The following ROR1 variants were observed in gnomAD, a reference collection of about 807,000 sequenced individuals.
ROR1 encodes inactive tyrosine-protein kinase transmembrane receptor ROR1.
Under a neutral mutation model 78.8 loss-of-function variants are expected in ROR1, and 19 were observed. That is an observed-to-expected ratio of 0.24 (90% CI 0.17 to 0.35). ROR1 has a LOEUF of 0.35. ROR1 is among the 10% of genes least tolerant of loss of function. The probability of loss-of-function intolerance (pLI) is 1.00; values close to 1 mark genes in which losing one functional copy is unlikely to be tolerated. For missense variants in ROR1, 917 were observed against 1,177.8 expected (o/e 0.78, Z 3.24); for synonymous variants, 386 against 433.6 (o/e 0.89, Z 1.36).
At chr1:63,972,043 A>G (rs1646123547) in intron 1 of ROR1, among the ~76,000 whole-genome samples, 1 of 152,120 alleles carries the variant, frequency 6.6e-6, no homozygotes, top group Non-Finnish European at 1.5e-5. Flanking sequence ...ACCTAATCCT[A>G]AAGAGGCCCA....
At position 64,004,714 on chromosome 1, in the gene ROR1, A is replaced by C. The variant is rs1011116127; in HGVS notation, c.92-4591A>C. On this transcript the variant is annotated intron_variant, in intron 1 of 8. Coordinates refer to ENST00000371079, the MANE Select transcript of ROR1 (RefSeq NM_005012.4). ...CTGCCAACTGCTGAGATGAACCAGT[A>C]ATCCTTTCGGAGAGCACAGGCTTTT... 3.3e-5 allele frequency among the ~76,000 whole-genome samples: 5 copies of C among 152,306 alleles called. 1 individual carries two copies. The South Asian group carries it at 1.0e-3, about 32-fold the overall frequency.
At chr1:63,810,186 C>T (rs910344187) in intron 1 of ROR1, among the ~76,000 whole-genome samples, 1 of 152,162 alleles carries the variant, frequency 6.6e-6, no homozygotes, top group Non-Finnish European at 1.5e-5. Flanking sequence ...GGGAAATTAT[C>T]GGCAAATGAA....
At chr1:63,995,602 A>G in intron 1 of ROR1, among the ~76,000 whole-genome samples, 1 of 152,196 alleles carries the variant, frequency 6.6e-6, no homozygotes, top group East Asian at 1.9e-4. Flanking sequence ...TGCAATCAGA[A>G]AGACTGGATT....
At chr1:64,134,353 C>T (rs761937929) in intron 4 of ROR1, among the ~76,000 whole-genome samples, 8 of 152,084 alleles carry the variant, frequency 5.3e-5, no homozygotes, top group African/African-American at 1.2e-4. Flanking sequence ...AGTATTGAAA[C>T]GCAGAACATA....
rs150826237 is a variant in ROR1, at chr1:63,891,553, G to A, written c.91+117045G>A. Among the ~76,000 whole-genome samples the A allele has an allele frequency of 1.1e-3, 174 of 152,220 alleles. 1 individual carries two copies. The highest frequency in any genetic ancestry group is 6.8e-3 in the Middle Eastern group (2 of 294). ...TAGGCTAAGGGAGGCCCAGGTAACT[G>A]GTAAAGCATTATTTCTGGGTGTGCC... is the stretch of plus-strand genomic sequence containing the variant. On this transcript the variant is annotated intron_variant, in intron 1 of 8. Transcript: ENST00000371079.
chr1:63,882,315 T>TA (rs1339084605), intron 1 of ROR1, among the ~76,000 whole-genome samples: 1 of 152,020 alleles, frequency 6.6e-6, no homozygotes, highest in Non-Finnish European at 1.5e-5. Context: ...GAGACAACAC[T>TA]AAAAAAATAC....
chr1:64,174,095 T>C (rs1650314336), intron 8 of ROR1, among the ~76,000 whole-genome samples: 1 of 152,220 alleles, frequency 6.6e-6, no homozygotes, highest in Admixed American at 6.5e-5. Context: ...ATTACTTTAC[T>C]TCCTGGATGA....
intron 1 of ROR1, among the ~76,000 whole-genome samples, chr1:63,996,725 G>T (rs192112743): frequency 1.5e-4 from 23 of 152,124 alleles, no homozygotes; most frequent in African/African-American, 5.5e-4. Flanking sequence ...TCACAGTTTG[G>T]AGCTTTGAAA....
chr1:64,162,544 C>T (rs2100732697), intron 8 of ROR1, among the ~76,000 whole-genome samples: 1 of 152,346 alleles, frequency 6.6e-6, no homozygotes, highest in Admixed American at 6.5e-5. Context: ...TGGAGATGTC[C>T]TGGCTCCCAT....
At chr1:64,005,645 G>A (rs1271761947) in intron 1 of ROR1, among the ~76,000 whole-genome samples, 2 of 152,124 alleles carry the variant, frequency 1.3e-5, no homozygotes, top group African/African-American at 4.8e-5. Context: ...GTTCAGCTGA[G>A]ATGTGCTTGA....
At chr1:63,981,709 A>G (rs1022430067) in intron 1 of ROR1, among the ~76,000 whole-genome samples, 1 of 152,022 alleles carries the variant, frequency 6.6e-6, no homozygotes, top group Non-Finnish European at 1.5e-5. Context: ...AAGGCAGGAG[A>G]AGAAGGATGG....
intron 7 of ROR1, 27 bp downstream of exon 7, chr1:64,142,677 T>TG (rs1305595330): frequency 6.2e-7 from 1 of 1,611,188 alleles, no homozygotes; most frequent in Non-Finnish European, 8.5e-7. Context: ...GCCCCTAATG[T>TG]ATTCAATCAT....
At chr1:63,841,590 A>G (rs1026554748) in intron 1 of ROR1, among the ~76,000 whole-genome samples, 2 of 152,224 alleles carry the variant, frequency 1.3e-5, no homozygotes, top group African/African-American at 2.4e-5. Context: ...ATGTGAAACA[A>G]AAGTACATAC....
intron 4 of ROR1, among the ~76,000 whole-genome samples, chr1:64,118,494 G>A (rs1026685170): frequency 2.6e-5 from 4 of 151,880 alleles, no homozygotes; most frequent in African/African-American, 9.7e-5. Context: ...GGGCATGGTG[G>A]TGCATGCCTG....
At chr1:63,852,951 T>G (rs1162636035) in intron 1 of ROR1, among the ~76,000 whole-genome samples, 1 of 152,154 alleles carries the variant, frequency 6.6e-6, no homozygotes, top group Non-Finnish European at 1.5e-5. Flanking sequence ...TCCACTCAGA[T>G]TTGGAAGAGT....
intron 4 of ROR1, among the ~76,000 whole-genome samples, chr1:64,130,076 G>A (rs571548557): frequency 3.1e-4 from 47 of 152,294 alleles, no homozygotes; most frequent in African/African-American, 1.1e-3. Context: ...GGACTCTTTA[G>A]CTAAGCGAAT....
rs988618731 is a variant in ROR1 at position 64,049,944 on chromosome 1, G to C, written c.417G>C (p.Val139=). 6 of 1,614,046 alleles carry C rather than the reference G, an allele frequency of 3.7e-6. No individual in the cohort carries two copies. In the African/African-American group the frequency reaches 8.0e-5, roughly 22 times the overall value. The change falls in exon 3 of 9, where the codon GTG becomes GTC. Residue 139 remains valine (V), a synonymous_variant. Coordinates refer to ENST00000371079, the MANE Select transcript of ROR1 (RefSeq NM_005012.4). The part of the protein sequence containing the change: ...FQCVATNGKE[V]VSSTGVLFVK... ...GCGTGGCAACAAACGGCAAGGAGGT[G>C]GTTTCTTCCACTGGAGTCTTGTTTG...
intron 4 of ROR1, among the ~76,000 whole-genome samples, chr1:64,135,959 C>T (rs969724051): frequency 1.6e-4 from 25 of 152,228 alleles, no homozygotes; most frequent in Non-Finnish European, 3.2e-4. Context: ...TGCTCCTATA[C>T]TTTGACTTTC....
intron 1 of ROR1, among the ~76,000 whole-genome samples, chr1:63,907,655 G>C (rs1284062846): frequency 6.6e-6 from 1 of 152,164 alleles, no homozygotes; most frequent in African/African-American, 2.4e-5. Context: ...TAGTTCACTG[G>C]AAGAATAGTT....
Sources: gnomAD v4.1 joint callset for allele counts (sites outside exome capture counted in the v4.1 genomes callset) on GRCh38, gnomAD v4.1.1 for gene constraint, MANE v1.5 for transcripts, NCBI Gene and HGNC (gene_info 2026-07-23, HGNC 2026-07-21) for gene names.